Variants in FBN3 observed in about 807,000 individuals in gnomAD.
FBN3 encodes fibrillin-3.
In FBN3, 234 loss-of-function variants were observed where a neutral mutation model predicts 330.1. The observed-to-expected ratio is 0.71, with a 90% CI of 0.64 to 0.79. The LOEUF (loss-of-function observed/expected upper bound fraction) is 0.79, where lower values mean the gene tolerates loss of function less well. Ranked by LOEUF, FBN3 falls within the 30% of genes least tolerant of loss-of-function variation. The pLI is 0.00. For missense variants in FBN3, 3,606 were observed against 3,886.9 expected (o/e 0.93, Z 1.92); for synonymous variants, 1,458 against 1,517.3 (o/e 0.96, Z 0.91).
At chr19:8,114,146 C>T (rs2082655572) in intron 30 of FBN3, among the ~76,000 whole-genome samples, 1 of 152,132 alleles carries the variant, frequency 6.6e-6, no homozygotes, top group Non-Finnish European at 1.5e-5. Context: ...CACTTTCTGC[C>T]TCTGAGCCCC....
rs147547126 is a variant in FBN3, at chr19:8,088,968, G to A, written c.6376+577C>T. ...TGAACAAGTGAATGAATGAACAAGC[G>A]AAGGAATGAGTGAGCAAAGGAGTGA... On this transcript the variant is annotated intron_variant, in intron 51 of 63. Transcript: ENST00000600128. 2.1e-3 allele frequency among the ~76,000 whole-genome samples: 324 copies of A among 152,220 alleles called. 2 individuals are homozygous for A. Among genetic ancestry groups the A allele is most frequent in the African/African-American group, 6.9e-3 (286 of 41,546 alleles).
At chr19:8,115,667 GA>G (rs1170266766) in intron 29 of FBN3, 27 bp from the exon 30 acceptor site, 1 of 1,612,892 alleles carries the variant, frequency 6.2e-7, no homozygotes, top group Non-Finnish European at 8.5e-7. Flanking sequence ...CATGAGGTCT[GA>G]GGACTGGGTG....
rs557886968 is a variant in FBN3, at chr19:8,086,249, G to A, written c.6831C>T (p.Cys2277=). ...TGGGCTGGAATCCCTCATCACAGTC[G>A]CACCGGAAGCTGCCCGCGGTGTTGA... ...RCVNTAGSFR[C]DCDEGFQPSP... is the part of the protein sequence containing the mutation. The change falls in exon 55 of 64, where the codon TGC becomes TGT. Residue 2277 remains cysteine (C), a synonymous_variant. Coordinates refer to ENST00000600128, the MANE Select transcript of FBN3 (RefSeq NM_032447.5). The A allele has an allele frequency of 1.4e-5, 22 of 1,610,974 alleles. No homozygotes were observed. The highest frequency in any genetic ancestry group is 1.0e-4 in the Admixed American group (6 of 59,810).
rs143135391 is a variant in FBN3, at chr19:8,115,616, G to A, written c.3737C>T (p.Pro1246Leu). The A allele has an allele frequency of 4.0e-5, 64 of 1,613,936 alleles. No individual in the cohort carries two copies. In the Middle Eastern group the frequency reaches 8.2e-4, roughly 21 times the overall value. Reference sequence around the variant, plus strand: ...GCAGTCCCCATGGAGGCAGATGTGAGGGTTCAGGTCACACTCATCCACATC... The same window carrying A: ...GCAGTCCCCATGGAGGCAGATGTGAAGGTTCAGGTCACACTCATCCACATC... ...CVDVDECDLN[P>L]HICLHGDCEN... is the part of the protein sequence containing the mutation. Residue 1246 changes from proline to leucine, a missense_variant, in exon 30 of 64, where the codon CCT (proline) becomes CTT (leucine). By Grantham distance (98) the Pro-to-Leu change is moderately conservative (BLOSUM62 -3). Coordinates refer to ENST00000600128, the MANE Select transcript of FBN3 (RefSeq NM_032447.5).
chr19:8,095,947 C>T lies in FBN3; in HGVS notation c.5656+17G>A, dbSNP rs1200257212. On this transcript the variant is annotated intron_variant, in intron 45 of 63. Transcript: ENST00000600128. ...AGAACCCACTTTGTGGCCAGCCTGC[C>T]ACCTGAGCCGACTCACCCACACAAT... is the stretch of plus-strand genomic sequence containing the variant. The T allele has an allele frequency of 1.9e-6, 3 of 1,548,242 alleles. No individual in the cohort carries two copies. The highest frequency in any genetic ancestry group is 2.7e-6 in the Non-Finnish European group (3 of 1,120,774).
rs1007490657 is a variant in FBN3 at position 8,149,124 on chromosome 19, G to A, written c.-18+325C>T. 6.6e-6 allele frequency among the ~76,000 whole-genome samples: 1 copy of A among 152,118 alleles called. No individual in the cohort carries two copies. Among genetic ancestry groups the A allele is most frequent in the African/African-American group, 2.4e-5 (1 of 41,446 alleles). ...CGAGGGATACCAAGCTTCGCCGACG[G>A]GGAGGGGGCGCCCCCGGAGCCCGCG... On this transcript the variant is annotated intron_variant, in intron 1 of 63. Coordinates refer to ENST00000600128, the MANE Select transcript of FBN3 (RefSeq NM_032447.5). The surrounding 1 kb of genome is among the most constrained non-coding windows in gnomAD (Gnocchi z 5.5).
chr19:8,091,005 C>T (rs1208806109), intron 48 of FBN3, among the ~76,000 whole-genome samples: 1 of 152,154 alleles, frequency 6.6e-6, no homozygotes, highest in Non-Finnish European at 1.5e-5. Context: ...GGGTCCCAGC[C>T]TCCCAGAACA....
chr19:8,119,987 A>AT (rs2082803992), intron 25 of FBN3, among the ~76,000 whole-genome samples: 1 of 150,274 alleles, frequency 6.7e-6, no homozygotes, highest in African/African-American at 2.5e-5. Flanking sequence ...TGCCCGGCTA[A>AT]TTTTTAAATT....
Position 8,109,593 on chromosome 19 carries a change from AC to A in FBN3, c.4456+37del. On this transcript the variant is annotated intron_variant, in intron 35 of 63. Transcript: ENST00000600128. The surrounding 1 kb of genome is among the most constrained non-coding windows in gnomAD (Gnocchi z 5.2). Reference sequence around the variant, plus strand: ...GGGGCAATCCCACCCACCTCTGCTGACCCCAGAACCCTGATCTGGAGTTGAG... The same window carrying A: ...GGGGCAATCCCACCCACCTCTGCTGACCCAGAACCCTGATCTGGAGTTGAG... 6.4e-7 allele frequency: 1 copy of A among 1,564,442 alleles called. No homozygotes were observed.
chr19:8,135,936 GCCCA>G, intron 13 of FBN3, 21 bp downstream of exon 13: 4 of 668,776 alleles, frequency 6.0e-6, no homozygotes, highest in Non-Finnish European at 7.2e-6. Flanking sequence ...GGAAGCCCCT[GCCCA>G]CCCGCCCACC....
intron 25 of FBN3, 27 bp from the exon 26 acceptor site, chr19:8,119,049 C>A: frequency 6.3e-7 from 1 of 1,581,176 alleles, no homozygotes; most frequent in Non-Finnish European, 8.6e-7. Flanking sequence ...AAAGAGAGAG[C>A]AGGCATGAAG....
At chr19:8,107,331 G>A (rs985785854) in intron 37 of FBN3, among the ~76,000 whole-genome samples, 3 of 140,576 alleles carry the variant, frequency 2.1e-5, no homozygotes, top group Non-Finnish European at 4.6e-5. Context: ...GGATAAATGG[G>A]TGAATGGATG....
intron 18 of FBN3, among the ~76,000 whole-genome samples, chr19:8,127,315 C>T (rs1214005470): frequency 6.6e-6 from 1 of 152,244 alleles, no homozygotes; most frequent in East Asian, 1.9e-4. Context: ...CCCGCCTCAG[C>T]CTCCCAAAGT....
chr19:8,072,848 A>G (rs1244597373), intron 62 of FBN3, among the ~76,000 whole-genome samples: 1 of 152,062 alleles, frequency 6.6e-6, no homozygotes, highest in Non-Finnish European at 1.5e-5. Flanking sequence ...ATGTGTGTGA[A>G]TAGATACAGG....
At chr19:8,073,825 G>A (rs2081579157) in intron 61 of FBN3, among the ~76,000 whole-genome samples, 1 of 152,142 alleles carries the variant, frequency 6.6e-6, no homozygotes, top group Non-Finnish European at 1.5e-5. Flanking sequence ...GACTACAGGT[G>A]TGCACCAACA....
In FBN3 at chr19:8,095,956, C is replaced by T. The variant is rs770669565; in HGVS notation, c.5656+8G>A. The T allele has an allele frequency of 2.6e-5, 41 of 1,587,012 alleles. No individual in the cohort carries two copies. The highest frequency in any genetic ancestry group is 3.3e-4 in the Middle Eastern group (2 of 6,024). ...TTTGTGGCCAGCCTGCCACCTGAGC[C>T]GACTCACCCACACAATCCCCATTGT... On this transcript the variant is annotated splice_region_variant and intron_variant, in intron 45 of 63. Coordinates refer to ENST00000600128, the MANE Select transcript of FBN3 (RefSeq NM_032447.5).
chr19:8,066,250 G>A lies in FBN3; in HGVS notation c.8099C>T (p.Ala2700Val), dbSNP rs370743995. The change falls in exon 64 of 64, where the codon GCC becomes GTC. Residue 2700 changes from alanine to valine, a missense_variant. Transcript: ENST00000600128. ...CAGCAGGGCCTCGGAGTCAAGGGTG[G>A]CCAGGTTCACCTGGGAAGAAAGGCC... ...SAHRDHQVNLATLDSEALLTL... is the reference protein window; with the variant it reads ...SAHRDHQVNLVTLDSEALLTL... The A allele has an allele frequency of 1.2e-4, 183 of 1,559,748 alleles. 3 individuals carry two copies. The South Asian group carries it at 1.6e-3, about 13-fold the overall frequency.
chr19:8,111,620 C>T, intron 32 of FBN3, 28 bp downstream of exon 32: 5 of 1,448,694 alleles, frequency 3.5e-6, no homozygotes, highest in Non-Finnish European at 3.8e-6. Flanking sequence ...CCTCTAGGGC[C>T]CCTGCCCTCC....
intron 14 of FBN3, among the ~76,000 whole-genome samples, chr19:8,132,107 G>A (rs533423457): frequency 6.6e-6 from 1 of 152,206 alleles, no homozygotes; most frequent in South Asian, 2.1e-4. Flanking sequence ...GTGCAGTGGC[G>A]TGATCATAGC....
Sources: gnomAD v4.1 joint callset for allele counts (sites outside exome capture counted in the v4.1 genomes callset) on GRCh38, gnomAD v4.1.1 for gene constraint, Gnocchi (gnomAD v3.1) non-coding constraint, MANE v1.5 for transcripts, NCBI Gene and HGNC (gene_info 2026-07-23, HGNC 2026-07-21) for gene names.